GARNL3: variants seen among roughly 807,000 people sequenced by gnomAD.
GARNL3 encodes GTPase activating Rap/RanGAP domain like 3, also known as GTPase-activating Rap/Ran-GAP domain-like protein 3.
In GARNL3, 63 loss-of-function variants were observed where a neutral mutation model predicts 125.0. That is an observed-to-expected ratio of 0.50 (90% CI 0.41 to 0.62). GARNL3 has a LOEUF of 0.62. Ranked by LOEUF, GARNL3 falls within the 20% of genes least tolerant of loss-of-function variation. The pLI is 0.00. For missense variants in GARNL3, 994 were observed against 1,244.0 expected, an observed-to-expected ratio of 0.80 and a Z score of 3.02; for synonymous variants, 439 against 457.5, an observed-to-expected ratio of 0.96 and a Z score of 0.52.
At chr9:127,367,727 G>A (rs1265239475) in intron 22 of GARNL3, among the ~76,000 whole-genome samples, 2 of 152,144 alleles carry the variant, frequency 1.3e-5, no homozygotes, top group Non-Finnish European at 2.9e-5. Context: ...TGCTGATGAT[G>A]CTTTAAAGAT....
At chr9:127,258,643 GA>G in intron 2 of GARNL3, among the ~76,000 whole-genome samples, 1 of 152,004 alleles carries the variant, frequency 6.6e-6, no homozygotes, top group Middle Eastern at 3.4e-3. Flanking sequence ...TGTCTCAAAA[GA>G]AAAAAAGAAA....
intron 7 of GARNL3, among the ~76,000 whole-genome samples, chr9:127,326,107 A>G (rs1000748813): frequency 6.6e-6 from 1 of 152,188 alleles, no homozygotes; most frequent in Non-Finnish European, 1.5e-5. Flanking sequence ...TGTCCCCCAG[A>G]TGTCCTCACT....
chr9:127,368,600 G>A (rs1318356656), intron 22 of GARNL3, among the ~76,000 whole-genome samples: 1 of 150,838 alleles, frequency 6.6e-6, no homozygotes, highest in Non-Finnish European at 1.5e-5. Flanking sequence ...CAAAGTGCTG[G>A]GATTACAGGC....
intron 5 of GARNL3, among the ~76,000 whole-genome samples, chr9:127,319,349 G>A (rs921243792): frequency 1.7e-4 from 26 of 152,074 alleles, no homozygotes; most frequent in Non-Finnish European, 2.9e-5. Flanking sequence ...AGGTGTGGTG[G>A]CACACACCTG....
At position 127,271,366 on chromosome 9, in the gene GARNL3, G is replaced by C. The variant is rs111837213; in HGVS notation, c.144+6345G>C. 6.7e-4 allele frequency among the ~76,000 whole-genome samples: 101 copies of C among 150,368 alleles called. 8 individuals are homozygous for C. Among genetic ancestry groups the C allele is most frequent in the African/African-American group, 2.4e-3 (97 of 39,726 alleles). On this transcript the variant is annotated intron_variant, in intron 1 of 27. Coordinates refer to ENST00000373387, the MANE Select transcript of GARNL3 (RefSeq NM_032293.5). ...ATTAGTTACTTAGTAACTATTGATT[G>C]AATGAATGAATGATCCCATTTGGTT...
chr9:127,321,268 A>T (rs1027365581), intron 6 of GARNL3, among the ~76,000 whole-genome samples: 1 of 152,006 alleles, frequency 6.6e-6, no homozygotes, highest in Non-Finnish European at 1.5e-5. Context: ...AGTAGCTGGG[A>T]TTACAGGTAC....
chr9:127,323,087 T>C (rs1453699110), intron 6 of GARNL3, among the ~76,000 whole-genome samples: 2 of 152,134 alleles, frequency 1.3e-5, no homozygotes, highest in Non-Finnish European at 2.9e-5. Context: ...ATCTCATATA[T>C]ATGAAAAAAA....
chr9:127,241,105 G>A (rs1420394530), intron 1 of GARNL3, among the ~76,000 whole-genome samples: 2 of 152,148 alleles, frequency 1.3e-5, no homozygotes, highest in East Asian at 1.9e-4. Context: ...CTACCCAGTC[G>A]GACAGCTCAG....
At chr9:127,308,659 T>C (rs748247156) in intron 2 of GARNL3, among the ~76,000 whole-genome samples, 22 of 152,220 alleles carry the variant, frequency 1.4e-4, no homozygotes, top group Non-Finnish European at 2.9e-4. Context: ...GATCCTGTAC[T>C]GAAGAGAGAA....
At chr9:127,387,020 C>T (rs995399460) in intron 24 of GARNL3, 173 bp from the exon 25 acceptor site, 71 of 568,116 alleles carry the variant, frequency 1.2e-4, no homozygotes, top group African/African-American at 9.0e-4. Flanking sequence ...TAACTAGCCA[C>T]GCTGGGCTTT....
chr9:127,242,172 TC>T lies in GARNL3; in HGVS notation c.-28-906del, dbSNP rs1564842483. On this transcript the variant is annotated intron_variant, in intron 1 of 10. Coordinates refer to the GARNL3 transcript ENST00000439286. This position sits in a 1 kb window ranked among gnomAD's most constrained non-coding sequence, Gnocchi z 4.6. ...TGTCTTTTCTCAGTCTTTCTTTCTT[TC>T]TTTTTTAAATTCACTCGCGACTCCA... 6.6e-6 allele frequency among the ~76,000 whole-genome samples: 1 copy of T among 152,218 alleles called. No homozygotes were observed. The highest frequency in any genetic ancestry group is 1.9e-4 in the East Asian group (1 of 5,198).
chr9:127,382,157 G>A (rs954727275), intron 22 of GARNL3, among the ~76,000 whole-genome samples: 1 of 151,964 alleles, frequency 6.6e-6, no homozygotes, highest in Non-Finnish European at 1.5e-5. Flanking sequence ...AAAACTAGCT[G>A]GGCATGGTGG....
rs758237527 is a variant in GARNL3 at position 127,390,740 on chromosome 9, G to A, written c.2843G>A (p.Gly948Glu). Residue 948 changes from glycine (G) to glutamate (E), a missense_variant, in exon 27 of 28, where the codon GGG (glycine) becomes GAG (glutamate). Coordinates refer to ENST00000373387, the MANE Select transcript of GARNL3 (RefSeq NM_032293.5). ...GAAAGCCAAGGAGGCCCCAAGCCAG[G>A]GGCAGTGAGGTCATCTAGCAGTGAC... The part of the protein sequence containing the change: ...LEESQGGPKP[G>E]AVRSSSSDRI... The A allele has an allele frequency of 1.2e-6, 2 of 1,613,824 alleles. No homozygotes were observed. The highest frequency in any genetic ancestry group is 1.7e-6 in the Non-Finnish European group (2 of 1,179,800).
At position 127,381,559 on chromosome 9, in the gene GARNL3, C is replaced by T. The variant is rs150041449; in HGVS notation, c.2162-1879C>T. On this transcript the variant is annotated intron_variant, in intron 22 of 27. Transcript: ENST00000373387. ...AAACATTTAAACGAATGAAATTATA[C>T]AGTATGTACTCAGATATCTAGCTTC... 4.1e-4 allele frequency among the ~76,000 whole-genome samples: 62 copies of T among 152,186 alleles called. 1 individual carries two copies. Among genetic ancestry groups the T allele is most frequent in the African/African-American group, 1.5e-3 (62 of 41,550 alleles).
At chr9:127,254,117 A>G (rs2063453652) in intron 2 of GARNL3, among the ~76,000 whole-genome samples, 3 of 152,192 alleles carry the variant, frequency 2.0e-5, no homozygotes, top group African/African-American at 7.2e-5. Flanking sequence ...AACTGTAACA[A>G]AATCACCTAT....
intron 2 of GARNL3, among the ~76,000 whole-genome samples, chr9:127,309,140 T>TTAA: frequency 6.6e-6 from 1 of 152,282 alleles, no homozygotes; most frequent in South Asian, 2.1e-4. Context: ...CTTAATAGGC[T>TTAA]TAAAAGGCAG....
upstream of GARNL3, among the ~76,000 whole-genome samples, chr9:127,261,125 G>A (rs1374466495): frequency 3.3e-5 from 5 of 151,944 alleles, no homozygotes; most frequent in Non-Finnish European, 5.9e-5. Context: ...GCATGGTGGC[G>A]GGCACCTGTA....
chr9:127,258,067 G>C (rs1043209782), intron 2 of GARNL3, among the ~76,000 whole-genome samples: 6 of 152,062 alleles, frequency 3.9e-5, no homozygotes, highest in African/African-American at 1.4e-4. Flanking sequence ...CGGTGGTCAT[G>C]TGTGATGGAG....
At chr9:127,306,401 G>C (rs1443621939) in intron 2 of GARNL3, among the ~76,000 whole-genome samples, 1 of 151,968 alleles carries the variant, frequency 6.6e-6, no homozygotes, top group Non-Finnish European at 1.5e-5. Flanking sequence ...TGGCCAACGT[G>C]ACGAAACCCC....
Sources: allele counts gnomAD v4.1 joint callset (sites outside exome capture counted in the v4.1 genomes callset), GRCh38; gene constraint gnomAD v4.1.1; non-coding constraint Gnocchi (gnomAD v3.1); transcripts MANE v1.5; gene names NCBI Gene and HGNC (gene_info 2026-07-23, HGNC 2026-07-21).